OSBPL5: variants seen among roughly 807,000 people sequenced by gnomAD.
The protein encoded by OSBPL5 is oxysterol-binding protein-related protein 5.
OSBPL5 carries 71 observed loss-of-function variants against 111.2 expected under a neutral mutation model. The ratio of observed to expected loss-of-function variants is 0.64; its 90% CI spans 0.53 to 0.78. The LOEUF (loss-of-function observed/expected upper bound fraction) is 0.78. Ranked by LOEUF, OSBPL5 falls within the 30% of genes least tolerant of loss-of-function variation. The probability of loss-of-function intolerance (pLI) is 0.00; values close to 1 mark genes in which losing one functional copy is unlikely to be tolerated. For synonymous variants in OSBPL5, 549 were observed against 513.9 expected (o/e 1.07, Z -0.93); for missense variants, 1,210 against 1,189.3 (o/e 1.02, Z -0.26).
At chr11:3,164,590 C>T (rs1239588761) in intron 1 of OSBPL5, among the ~76,000 whole-genome samples, 3 of 152,216 alleles carry the variant, frequency 2.0e-5, no homozygotes, top group Non-Finnish European at 2.9e-5. Flanking sequence ...CCTCAACAAT[C>T]CCTAAGGCTC....
intron 7 of OSBPL5, among the ~76,000 whole-genome samples, chr11:3,114,561 T>A (rs1319729168): frequency 6.6e-6 from 1 of 150,524 alleles, no homozygotes; most frequent in East Asian, 1.9e-4. Flanking sequence ...AAAAAAACAG[T>A]TATAGACTAA....
chr11:3,120,291 A>G (rs1452896689), intron 6 of OSBPL5, 130 bp downstream of exon 6: 10 of 1,112,586 alleles, frequency 9.0e-6, no homozygotes, highest in Non-Finnish European at 1.3e-5. Flanking sequence ...GGGCTCAGAG[A>G]AGGTGAGACA....
At chr11:3,123,668 C>A (rs950345774) in intron 3 of OSBPL5, among the ~76,000 whole-genome samples, 6 of 152,248 alleles carry the variant, frequency 3.9e-5, no homozygotes, top group Admixed American at 2.0e-4. Flanking sequence ...CTTCTCCTGG[C>A]TAGAAGCCCT....
Position 3,090,714 on chromosome 11 carries a change from T to C in OSBPL5, c.2260-18A>G. ...CCAGACCTCTGCAGAGAAATGGAGC[T>C]GCTGCAGCTGAAAGCCACCCACGCC... On this transcript the variant is annotated intron_variant, in intron 19 of 21. Coordinates refer to ENST00000263650, the MANE Select transcript of OSBPL5 (RefSeq NM_020896.4). 1 of 1,602,074 alleles carries C rather than the reference T, an allele frequency of 6.2e-7. No individual in the cohort carries two copies. The highest frequency in any genetic ancestry group is 8.5e-7 in the Non-Finnish European group (1 of 1,174,422).
rs752855300 is a variant in OSBPL5, at chr11:3,102,283, T to C, written c.1327-2A>G. 5.0e-6 allele frequency: 8 copies of C among 1,591,430 alleles called. No homozygotes were observed. In the Admixed American group the frequency reaches 9.0e-5, roughly 18 times the overall value. On this transcript the variant is annotated splice_acceptor_variant, in intron 11 of 21. Coordinates refer to ENST00000263650, the MANE Select transcript of OSBPL5 (RefSeq NM_020896.4). LOFTEE classifies it high-confidence loss of function. ...GGGGTTGTACGGCTTCTTGATTCCC[T>C]GCAGACAACAGAGACTTGTGTGAGG...
chr11:3,101,557 C>T (rs935274951), intron 13 of OSBPL5, 46 bp downstream of exon 13: 148 of 1,546,462 alleles, frequency 9.6e-5, no homozygotes, highest in Non-Finnish European at 1.2e-4. Flanking sequence ...TCCCGACCAT[C>T]GCATTTCCCT....
intron 1 of OSBPL5, among the ~76,000 whole-genome samples, chr11:3,136,410 G>T (rs1564852823): frequency 6.6e-6 from 1 of 152,258 alleles, no homozygotes; most frequent in Non-Finnish European, 1.5e-5. Flanking sequence ...CTGAACCTTG[G>T]CCAGGGGCAG....
At position 3,151,881 on chromosome 11, in the gene OSBPL5, G is replaced by A. The variant is rs529898318; in HGVS notation, c.-22+13335C>T. 4.6e-5 allele frequency among the ~76,000 whole-genome samples: 7 copies of A among 152,326 alleles called. No individual in the cohort carries two copies. The East Asian group carries it at 7.7e-4, about 17-fold the overall frequency. On this transcript the variant is annotated intron_variant, in intron 1 of 21. Transcript: ENST00000263650. ...AGCCCCGACAGCTGCCTGTTCCTCC[G>A]GCTGCTCCTGGAGAGGGGCCCGTTC...
intron 1 of OSBPL5, among the ~76,000 whole-genome samples, chr11:3,149,237 C>T (rs1301166103): frequency 1.3e-5 from 2 of 152,274 alleles, no homozygotes; most frequent in Non-Finnish European, 2.9e-5. Context: ...CTGGAAGTCC[C>T]CAAGGCCGGA....
rs1846706039 is a variant in OSBPL5, at chr11:3,154,876, T to C, written c.-22+10340A>G. 6.6e-6 allele frequency among the ~76,000 whole-genome samples: 1 copy of C among 152,086 alleles called. No homozygotes were observed. Among genetic ancestry groups the C allele is most frequent in the African/African-American group, 2.4e-5 (1 of 41,358 alleles). On this transcript the variant is annotated intron_variant, in intron 1 of 21. Transcript: ENST00000263650. This position sits in a 1 kb window ranked among gnomAD's most constrained non-coding sequence, Gnocchi z 4.9. ...CACATGTATACATATGTAACAAACC[T>C]GCACGTTGTGCACATGTACCCTAGA...
intron 1 of OSBPL5, among the ~76,000 whole-genome samples, chr11:3,147,224 C>A (rs1030670298): frequency 6.6e-6 from 1 of 152,194 alleles, no homozygotes; most frequent in Admixed American, 6.5e-5. Flanking sequence ...TAGGGCTGGG[C>A]CGGGCCCACC....
At chr11:3,098,964 C>G (rs1857369232) in intron 14 of OSBPL5, among the ~76,000 whole-genome samples, 1 of 151,916 alleles carries the variant, frequency 6.6e-6, no homozygotes, top group East Asian at 1.9e-4. Context: ...CCATGCCTGG[C>G]TAGTTTTTTG....
intron 1 of OSBPL5, among the ~76,000 whole-genome samples, chr11:3,138,551 G>T (rs1846015427): frequency 2.6e-5 from 4 of 152,242 alleles, no homozygotes; most frequent in Admixed American, 1.3e-4. Context: ...ATTCACACTG[G>T]AAATAAGACA....
chr11:3,103,782 CAGTCCCTTCCTGCCTCT>C (rs1564830108), intron 10 of OSBPL5, among the ~76,000 whole-genome samples: 13 of 59,450 alleles, frequency 2.2e-4, no homozygotes, highest in Non-Finnish European at 4.9e-4. Context: ...CCAGCCTCTG[CAGTCCCTTCCTGCCTCT>C]GCAGCCCTCT....
chr11:3,100,583 T>A (rs1359245444), intron 13 of OSBPL5, among the ~76,000 whole-genome samples: 1 of 152,136 alleles, frequency 6.6e-6, no homozygotes, highest in East Asian at 1.9e-4. Context: ...ATTTTAAACA[T>A]CCCTGTGGAG....
At chr11:3,114,591 ATTTTTTTTTT>A (rs59645003) in intron 7 of OSBPL5, among the ~76,000 whole-genome samples, 15 of 113,900 alleles carry the variant, frequency 1.3e-4, no homozygotes, top group African/African-American at 4.2e-4. Flanking sequence ...TAGAACAATG[ATTTTTTTTTT>A]TTTTTTTTTT....
rs751956572 is a variant in OSBPL5 at position 3,092,545 on chromosome 11, C to A, written c.2146G>T (p.Asp716Tyr). 1 of 1,591,328 alleles carries A rather than the reference C, an allele frequency of 6.3e-7. No homozygotes were observed. Among genetic ancestry groups the A allele is most frequent in the South Asian group, 1.1e-5 (1 of 87,654 alleles). ...HYRYEDHSPW[D>Y]PLKDIAQFEQ... is the part of the protein sequence containing the mutation. Reference sequence around the variant, plus strand: ...AACTGGGCGATGTCCTTCAGGGGGTCCCAGGGGCTGTGGCTGGAGGGTCCA... The same window carrying A: ...AACTGGGCGATGTCCTTCAGGGGGTACCAGGGGCTGTGGCTGGAGGGTCCA... The change falls in exon 19 of 22, where the codon GAC becomes TAC. Residue 716 changes from aspartate (D) to tyrosine (Y), a missense_variant. Physicochemically the swap from Asp to Tyr is radical, Grantham distance 160. Coordinates refer to ENST00000263650, the MANE Select transcript of OSBPL5 (RefSeq NM_020896.4). This position sits in a 1 kb window ranked among gnomAD's most constrained non-coding sequence, Gnocchi z 5.4.
intron 17 of OSBPL5, among the ~76,000 whole-genome samples, 159 bp from the exon 18 acceptor site, chr11:3,093,211 T>G (rs1433704883): frequency 6.6e-6 from 1 of 152,212 alleles, no homozygotes; most frequent in African/African-American, 2.4e-5. Context: ...AGAGCTTTTC[T>G]TTTGTCCATG....
chr11:3,136,988 T>C (rs75348542), intron 1 of OSBPL5, among the ~76,000 whole-genome samples: 11,567 of 152,316 alleles, frequency 0.076, 562 homozygotes, highest in African/African-American at 0.13. Context: ...GCCCAAATGC[T>C]TGGCTCTTCG....
Sources: gnomAD v4.1 joint callset for allele counts (sites outside exome capture counted in the v4.1 genomes callset) on GRCh38, gnomAD v4.1.1 for gene constraint, Gnocchi (gnomAD v3.1) non-coding constraint, MANE v1.5 for transcripts, NCBI Gene and HGNC (gene_info 2026-07-23, HGNC 2026-07-21) for gene names.